Variants in PLCD3 observed in about 807,000 individuals in gnomAD.
The protein encoded by PLCD3 is phospholipase C delta 3.
Under a neutral mutation model 82.8 loss-of-function variants are expected in PLCD3, and 62 were observed. The ratio of observed to expected loss-of-function variants is 0.75; its 90% CI spans 0.61 to 0.93. PLCD3 has a LOEUF of 0.93. Among genes scored for constraint, PLCD3 ranks in the 40% least tolerant of loss-of-function variants. The probability of loss-of-function intolerance (pLI) is 0.00; values close to 1 mark genes in which losing one functional copy is unlikely to be tolerated. For missense variants in PLCD3, 1,023 were observed against 1,103.4 expected, an observed-to-expected ratio of 0.93 and a Z score of 1.03; for synonymous variants, 478 against 471.8, an observed-to-expected ratio of 1.01 and a Z score of -0.17.
Position 45,111,488 on chromosome 17 carries a change from G to C in PLCD3, c.*1128C>G, listed in dbSNP as rs1022691712. The C allele has an allele frequency of 6.6e-6, 1 of 152,082 alleles. No homozygotes were observed. The highest frequency in any genetic ancestry group is 1.5e-5 in the Non-Finnish European group (1 of 68,092). The allele number at this position is 152,082 out of a possible 1,614,324, so 9.4% of individuals were successfully genotyped here. ...CAGCTTTAAGCCAGGAGCAGGGATC[G>C]GGCTATTTAGAGCTGTGGCATCTCC... On this transcript the variant is annotated 3_prime_UTR_variant, in exon 15 of 15. Coordinates refer to ENST00000619929, the MANE Select transcript of PLCD3 (RefSeq NM_133373.5).
At chr17:45,115,533 C>T in intron 8 of PLCD3, 43 bp from the exon 9 acceptor site, 1 of 1,535,880 alleles carries the variant, frequency 6.5e-7, no homozygotes, top group Middle Eastern at 1.7e-4. Flanking sequence ...GGCCTTCTCG[C>T]CCCTGTGGCA....
rs2054474072 is a variant in PLCD3 at position 45,132,353 on chromosome 17, C to T, written c.58G>A (p.Ala20Thr). The part of the protein sequence containing the change: ...RRPPEEPPVA[A>T]QVAAQVAAPV... ...GCCGCGACTTGGGCTGCGACCTGGGCGGCCACCGGGGGCTCCTCGGGCGGG... is the reference window on the plus strand; with the variant it reads ...GCCGCGACTTGGGCTGCGACCTGGGTGGCCACCGGGGGCTCCTCGGGCGGG... The change falls in exon 1 of 15, where the codon GCC becomes ACC. Residue 20 changes from alanine (A) to threonine (T), a missense_variant. This residue lies in a region of PLCD3 where 22 missense variants were observed against 41.3 expected (regional missense o/e 0.53). Transcript: ENST00000619929. This position sits in a 1 kb window ranked among gnomAD's most constrained non-coding sequence, Gnocchi z 4.6. 3 of 1,231,508 alleles carry T rather than the reference C, an allele frequency of 2.4e-6. No homozygotes were observed. The highest frequency in any genetic ancestry group is 2.9e-4 in the Middle Eastern group (1 of 3,492). 76.3% of individuals were successfully genotyped at this position (1,231,508 alleles called of 1,614,324 possible). A position where few individuals can be genotyped will look rare whatever the true frequency, so the allele number is the denominator to read the frequency against.
Position 45,113,609 on chromosome 17 carries a change from TG to T in PLCD3, c.1829-5del. 1 of 1,554,184 alleles carries T rather than the reference TG, an allele frequency of 6.4e-7. No individual in the cohort carries two copies. Among genetic ancestry groups the T allele is most frequent in the Non-Finnish European group, 8.7e-7 (1 of 1,148,538 alleles). ...GGCGTCTGGAAGTTCAAGGCCACTG[TG>T]GACACAGCAGGGTCAGAGCAGGGGC... is the stretch of plus-strand genomic sequence containing the variant. On this transcript the variant is annotated splice_region_variant and splice_polypyrimidine_tract_variant and intron_variant, in intron 11 of 14. Coordinates refer to ENST00000619929, the MANE Select transcript of PLCD3 (RefSeq NM_133373.5).
At chr17:45,120,829 C>G in intron 3 of PLCD3, 73 bp downstream of exon 3, 1 of 1,386,538 alleles carries the variant, frequency 7.2e-7, no homozygotes, top group East Asian at 2.7e-5. Context: ...CGTGGGGGCT[C>G]TCCAAGGATG....
chr17:45,113,075 G>A (rs568133489), intron 13 of PLCD3, 47 bp downstream of exon 13: 84 of 1,609,760 alleles, frequency 5.2e-5, no homozygotes, highest in East Asian at 4.7e-4. Context: ...ACCACCCTTC[G>A]CTCTCTGCAG....
Position 45,118,409 on chromosome 17 carries a change from T to C in PLCD3, c.997A>G (p.Thr333Ala), listed in dbSNP as rs2054308474. Residue 333 changes from threonine to alanine, a missense_variant, in exon 6 of 15, where the codon ACG becomes GCG. This residue lies in a region of PLCD3 where 553 missense variants were observed against 655.7 expected (regional missense o/e 0.84). Coordinates refer to ENST00000619929, the MANE Select transcript of PLCD3 (RefSeq NM_133373.5). This position sits in a 1 kb window ranked among gnomAD's most constrained non-coding sequence, Gnocchi z 4.1. ...PEGAALDNTH[T>A]CVFQDMNQPL... is the part of the protein sequence containing the mutation. Reference sequence around the variant, plus strand: ...TGGTTCATGTCCTGGAACACACACGTGTGGGTGTTGTCCAAGGCAGCCCCC... The same window carrying C: ...TGGTTCATGTCCTGGAACACACACGCGTGGGTGTTGTCCAAGGCAGCCCCC... 11 of 1,614,024 alleles carry C rather than the reference T, an allele frequency of 6.8e-6. No homozygotes were observed. The highest frequency in any genetic ancestry group is 1.3e-5 in the African/African-American group (1 of 75,044).
chr17:45,118,665 G>A lies in PLCD3; in HGVS notation c.913+150C>T. 1 of 1,094,472 alleles carries A rather than the reference G, an allele frequency of 9.1e-7. No individual in the cohort carries two copies. Among genetic ancestry groups the A allele is most frequent in the Non-Finnish European group, 1.3e-6 (1 of 773,412 alleles). The allele number at this position is 1,094,472 out of a possible 1,614,324, so 67.8% of individuals were successfully genotyped here. Reference sequence around the variant, plus strand: ...CCAGACCCTGGGAGGAAGACAAACTGTTGTGCCATTTTACACATGTGGAAG... The same window carrying A: ...CCAGACCCTGGGAGGAAGACAAACTATTGTGCCATTTTACACATGTGGAAG... On this transcript the variant is annotated intron_variant, in intron 5 of 14. Transcript: ENST00000619929. The surrounding 1 kb of genome is among the most constrained non-coding windows in gnomAD (Gnocchi z 4.1).
At position 45,118,091 on chromosome 17, in the gene PLCD3, C is replaced by A. The variant is rs751053331; in HGVS notation, c.1163G>T (p.Gly388Val). Reference sequence around the variant, plus strand: ...ATAGATGACGGGCTCCCCTCCTGGCCCCTCCCAGCAGTCCAGCTCCACGCA... The same window carrying A: ...ATAGATGACGGGCTCCCCTCCTGGCACCTCCCAGCAGTCCAGCTCCACGCA... The part of the protein sequence containing the change: ...CRCVELDCWE[G>V]PGGEPVIYHG... The change falls in exon 7 of 15, where the codon GGG (glycine) becomes GTG (valine). Residue 388 changes from glycine to valine, a missense_variant. Physicochemically the swap from Gly to Val is moderately radical, Grantham distance 109. This residue lies in a region of PLCD3 where 553 missense variants were observed against 655.7 expected (regional missense o/e 0.84). Transcript: ENST00000619929. This position sits in a 1 kb window ranked among gnomAD's most constrained non-coding sequence, Gnocchi z 4.1. 2 of 1,613,876 alleles carry A rather than the reference C, an allele frequency of 1.2e-6. No homozygotes were observed. The highest frequency in any genetic ancestry group is 1.7e-6 in the Non-Finnish European group (2 of 1,179,856).
At chr17:45,117,856 T>C (rs2054302811) in intron 7 of PLCD3, 138 bp downstream of exon 7, 17 of 1,197,868 alleles carry the variant, frequency 1.4e-5, no homozygotes, top group African/African-American at 4.5e-5. Flanking sequence ...TGGCCACTTA[T>C]CCCAGCAGCA....
intron 11 of PLCD3, 81 bp from the exon 12 acceptor site, chr17:45,113,686 C>T: frequency 6.8e-7 from 1 of 1,480,346 alleles, no homozygotes; most frequent in African/African-American, 1.4e-5. Context: ...GCATTCCTCT[C>T]TACAAAGGGC....
intron 7 of PLCD3, among the ~76,000 whole-genome samples, chr17:45,117,351 T>C (rs189657408): frequency 0.011 from 1,644 of 152,098 alleles, 26 homozygotes; most frequent in African/African-American, 0.037. Context: ...GCTCAAGTGA[T>C]CCCCCCACCT....
At chr17:45,117,808 A>G (rs1174972618) in intron 7 of PLCD3, among the ~76,000 whole-genome samples, 186 bp downstream of exon 7, 1 of 152,240 alleles carries the variant, frequency 6.6e-6, no homozygotes, top group Non-Finnish European at 1.5e-5. Context: ...TTTCCCAAAT[A>G]TGAGGGTGGC....
At chr17:45,114,541 C>T in intron 10 of PLCD3, 175 bp from the exon 11 acceptor site, 3 of 536,704 alleles carry the variant, frequency 5.6e-6, no homozygotes, top group Non-Finnish European at 6.5e-6. Context: ...GCTGCAGGGA[C>T]CCCCTCCAGC....
intron 1 of PLCD3, among the ~76,000 whole-genome samples, chr17:45,122,092 C>G (rs1380317998): frequency 6.6e-6 from 1 of 152,250 alleles, no homozygotes; most frequent in East Asian, 1.9e-4. Context: ...GTCTCACCAT[C>G]TAACCTAGAT....
chr17:45,114,112 T>C, intron 11 of PLCD3, 138 bp downstream of exon 11: 5 of 643,102 alleles, frequency 7.8e-6, no homozygotes, highest in Non-Finnish European at 1.3e-5. Context: ...TTTTCCCACC[T>C]ACATTGCTGG....
rs755485400 is a variant in PLCD3, at chr17:45,132,294, G to A, written c.117C>T (p.Ser39=). 1.6e-6 allele frequency: 2 copies of A among 1,267,588 alleles called. No homozygotes were observed. Among genetic ancestry groups the A allele is most frequent in the South Asian group, 3.7e-5 (1 of 27,182 alleles). The allele number at this position is 1,267,588 out of a possible 1,614,324, so 78.5% of individuals were successfully genotyped here. A position where few individuals can be genotyped will look rare whatever the true frequency, so the allele number is the denominator to read the frequency against. The change falls in exon 1 of 15, where the codon TCC becomes TCT. Residue 39 remains serine (S), a synonymous_variant. Transcript: ENST00000619929. This position sits in a 1 kb window ranked among gnomAD's most constrained non-coding sequence, Gnocchi z 4.6. ...GCCCGGGCCTCTTGGTGCCGCCATC[G>A]GAGGGAGTCGGCGGGGACGGGAGAG... ...PVALPSPPTP[S]DGGTKRPGLR...
In PLCD3 at chr17:45,121,288, C is replaced by G. The variant is rs1200174880; in HGVS notation, c.248G>C (p.Arg83Pro). Residue 83 changes from arginine (R) to proline (P), a missense_variant, in exon 2 of 15, where the codon CGG (arginine) becomes CCG (proline). This residue lies in a region of PLCD3 where 448 missense variants were observed against 406.3 expected (regional missense o/e 1.10). Transcript: ENST00000619929. Reference sequence around the variant, plus strand: ...GCCGTCCTCCTGCAGCCGGTACAGCCGCTCCTTGTGCCACGTGCGCGAGCG... The same window carrying G: ...GCCGTCCTCCTGCAGCCGGTACAGCGGCTCCTTGTGCCACGTGCGCGAGCG... ...KIRSRTWHKERLYRLQEDGLS... is the reference protein window; with the variant it reads ...KIRSRTWHKEPLYRLQEDGLS... 1.3e-6 allele frequency: 2 copies of G among 1,585,250 alleles called. No individual in the cohort carries two copies. The highest frequency in any genetic ancestry group is 2.3e-5 in the East Asian group (1 of 44,022).
chr17:45,114,405 G>A, intron 10 of PLCD3, 39 bp from the exon 11 acceptor site: 1 of 1,504,426 alleles, frequency 6.6e-7, no homozygotes, highest in Non-Finnish European at 9.0e-7. Context: ...CAGACTCCGG[G>A]GGTCCCTCAC....
intron 9 of PLCD3, 28 bp downstream of exon 9, chr17:45,115,316 T>TTC (rs1598028310): frequency 3.8e-5 from 56 of 1,474,880 alleles, no homozygotes; most frequent in Admixed American, 3.2e-4. Flanking sequence ...TTCCCCCCCT[T>TTC]CCCCACCCCA....
Sources: gnomAD v4.1 joint callset for allele counts (sites outside exome capture counted in the v4.1 genomes callset) on GRCh38, gnomAD v4.1.1 for gene constraint, gnomAD v4.1.1 regional missense constraint, Gnocchi (gnomAD v3.1) non-coding constraint, MANE v1.5 for transcripts, NCBI Gene and HGNC (gene_info 2026-07-23, HGNC 2026-07-21) for gene names.